The following COPB1 variants were observed in gnomAD, a reference collection of about 807,000 sequenced individuals.
COPB1 encodes the protein coatomer subunit beta.
Under a neutral mutation model 108.7 loss-of-function variants are expected in COPB1, and 21 were observed. The observed-to-expected ratio is 0.19, with a 90% CI of 0.14 to 0.28. The LOEUF (loss-of-function observed/expected upper bound fraction) is 0.28. Among genes scored for constraint, COPB1 ranks in the 10% least tolerant of loss-of-function variants. The probability of loss-of-function intolerance (pLI) is 1.00; values close to 1 mark genes in which losing one functional copy is unlikely to be tolerated. For synonymous variants in COPB1, 378 were observed against 386.8 expected (o/e 0.98, Z 0.27); for missense variants, 919 against 1,141.3 (o/e 0.81, Z 2.81).
intron 11 of COPB1, 144 bp from the exon 12 acceptor site, chr11:14,477,159 G>A (rs539481722): frequency 2.3e-4 from 130 of 577,642 alleles, no homozygotes; most frequent in Non-Finnish European, 1.6e-4. Context: ...CGAGGCGGGC[G>A]GATCACGAGG....
intron 5 of COPB1, among the ~76,000 whole-genome samples, chr11:14,488,896 T>C (rs1850833999): frequency 6.6e-6 from 1 of 152,208 alleles, no homozygotes; most frequent in Non-Finnish European, 1.5e-5. Context: ...CTTAGGTGTA[T>C]AGTTATTCCT....
chr11:14,460,094 GCCTAGAATGGTACTGCATATTGAATAA>G, intron 20 of COPB1, 87 bp downstream of exon 20: 1 of 641,342 alleles, frequency 1.6e-6, no homozygotes, highest in Non-Finnish European at 2.8e-6. Context: ...CTTTTAGATA[GCCTAGAATGGTACTGCATATTGAATAA>G]CAAAAATGTG....
At chr11:14,458,786 CAG>C (rs1850081909) in intron 20 of COPB1, 99 bp from the exon 21 acceptor site, 2 of 1,025,584 alleles carry the variant, frequency 2.0e-6, no homozygotes, top group East Asian at 5.3e-5. Context: ...TTTTTTGAGA[CAG>C]AGTCTCACTC....
intron 6 of COPB1, among the ~76,000 whole-genome samples, chr11:14,487,997 T>C (rs1375385326): frequency 1.3e-5 from 2 of 152,244 alleles, no homozygotes; most frequent in African/African-American, 4.8e-5. Context: ...GTTGCCAATA[T>C]AGTATTTGAT....
rs117481850 is a variant in COPB1, at chr11:14,479,941, G to A, written c.1213-227C>T. Among the ~76,000 whole-genome samples, 908 of 152,218 alleles carry A rather than the reference G, an allele frequency of 6.0e-3. 6 individuals carry two copies. The highest frequency in any genetic ancestry group is 0.011 in the Non-Finnish European group (742 of 68,006). ...GCAGCCTCAGCCTCCCCAGGAGCTA[G>A]GACTTCAGGCATGACACTATGCCTA... On this transcript the variant is annotated intron_variant, in intron 10 of 21. Transcript: ENST00000439561.
intron 5 of COPB1, among the ~76,000 whole-genome samples, chr11:14,489,418 G>A (rs1279770237): frequency 6.6e-6 from 1 of 152,220 alleles, no homozygotes; most frequent in Non-Finnish European, 1.5e-5. Context: ...ACAGATACGT[G>A]TACATCTACG....
chr11:14,490,425 A>T, intron 5 of COPB1, 140 bp downstream of exon 5: 1 of 497,246 alleles, frequency 2.0e-6, no homozygotes. Flanking sequence ...GTATTTTTCT[A>T]CAAGCTTAAA....
At chr11:14,480,964 A>T (rs563356475) in intron 9 of COPB1, 26 bp downstream of exon 9, 1 of 1,610,452 alleles carries the variant, frequency 6.2e-7, no homozygotes, top group East Asian at 2.2e-5. Context: ...TGATAGCTAC[A>T]AAGTGCTGTC....
rs1850293398 is a variant in COPB1 at position 14,466,859 on chromosome 11, T to C, written c.2146-433A>G. On this transcript the variant is annotated intron_variant, in intron 16 of 21. Transcript: ENST00000439561. ...ACTCAGGATCCAAATAAAATCCAAA[T>C]CATGTGGTAGCCCTTGCTCCACAAA... is the stretch of plus-strand genomic sequence containing the variant. 2.0e-5 allele frequency among the ~76,000 whole-genome samples: 3 copies of C among 152,232 alleles called. No homozygotes were observed. In the South Asian group the frequency reaches 6.2e-4, roughly 32 times the overall value.
intron 7 of COPB1, among the ~76,000 whole-genome samples, chr11:14,484,230 T>C (rs1209101597): frequency 6.6e-6 from 1 of 152,200 alleles, no homozygotes; most frequent in Non-Finnish European, 1.5e-5. Flanking sequence ...GACTACGATA[T>C]GACCACTGCA....
In COPB1 at chr11:14,457,748, G is replaced by T; in HGVS notation, c.*76C>A. 2.3e-6 allele frequency: 2 copies of T among 883,586 alleles called. No homozygotes were observed. The highest frequency in any genetic ancestry group is 1.4e-5 in the South Asian group (1 of 72,838). 54.7% of individuals were successfully genotyped at this position (883,586 alleles called of 1,614,324 possible). On this transcript the variant is annotated 3_prime_UTR_variant, in exon 22 of 22. Transcript: ENST00000439561. Reference sequence around the variant, plus strand: ...ACTCAGATTCTATATAAGCATGAAAGAGTACAAAAGATGTTGGAGTCCAGT... The same window carrying T: ...ACTCAGATTCTATATAAGCATGAAATAGTACAAAAGATGTTGGAGTCCAGT...
chr11:14,481,945 T>C (rs916746787), intron 8 of COPB1, among the ~76,000 whole-genome samples: 1 of 152,024 alleles, frequency 6.6e-6, no homozygotes, highest in Non-Finnish European at 1.5e-5. Flanking sequence ...CACACCACCA[T>C]GTCCAGCTAA....
intron 5 of COPB1, 128 bp from the exon 6 acceptor site, chr11:14,488,712 AACTG>A: frequency 2.3e-6 from 1 of 433,010 alleles, no homozygotes; most frequent in Non-Finnish European, 4.0e-6. Context: ...AAGAGAAATT[AACTG>A]GGAAAAAAAT....
intron 8 of COPB1, among the ~76,000 whole-genome samples, chr11:14,482,783 G>T (rs899774548): frequency 2.0e-5 from 3 of 152,258 alleles, no homozygotes; most frequent in East Asian, 3.9e-4. Flanking sequence ...TGATGTGCCC[G>T]CCTCTGCCTC....
intron 17 of COPB1, 65 bp from the exon 18 acceptor site, chr11:14,465,095 ACACACACAC>A: frequency 6.8e-7 from 1 of 1,460,752 alleles, no homozygotes. Context: ...ACACACACAC[ACACACACAC>A]ACACACTAAC....
At chr11:14,469,704 T>C (rs1850362085) in intron 14 of COPB1, 141 bp from the exon 15 acceptor site, 1 of 731,798 alleles carries the variant, frequency 1.4e-6, no homozygotes, top group South Asian at 1.8e-5. Flanking sequence ...TCCATATCTG[T>C]TTTTGCATTC....
In COPB1 at chr11:14,474,435, A is replaced by G; in HGVS notation, c.1737+60T>C. ...TAATTTTTGAGTCCCTCACTGTTCA[A>G]TGCATATAGTAGGCACTCAATGTTT... On this transcript the variant is annotated intron_variant, in intron 14 of 21. Coordinates refer to ENST00000439561, the MANE Select transcript of COPB1 (RefSeq NM_001144061.2). The G allele has an allele frequency of 4.6e-6, 7 of 1,519,888 alleles. No individual in the cohort carries two copies. The South Asian group carries it at 8.2e-5, about 18-fold the overall frequency. The allele number at this position is 1,519,888 out of a possible 1,614,324, so 94.2% of individuals were successfully genotyped here. A position where few individuals can be genotyped will look rare whatever the true frequency, so the allele number is the denominator to read the frequency against.
intron 14 of COPB1, among the ~76,000 whole-genome samples, chr11:14,470,900 ACACACACACACAC>A (rs1162895698): frequency 6.3e-5 from 1 of 15,864 alleles, no homozygotes; most frequent in Admixed American, 8.0e-4. Context: ...TGGAAGAAAT[ACACACACACACAC>A]ACACACACAC....
At chr11:14,460,727 C>A (rs1250363804) in intron 19 of COPB1, among the ~76,000 whole-genome samples, 3 of 152,112 alleles carry the variant, frequency 2.0e-5, no homozygotes, top group African/African-American at 7.2e-5. Context: ...TGGTCTAGAA[C>A]TCCTGAGCAC....
Sources: gnomAD v4.1 joint callset for allele counts (sites outside exome capture counted in the v4.1 genomes callset) on GRCh38, gnomAD v4.1.1 for gene constraint, MANE v1.5 for transcripts, NCBI Gene and HGNC (gene_info 2026-07-23, HGNC 2026-07-21) for gene names.